The following NALCN variants were observed in gnomAD, a reference collection of about 807,000 sequenced individuals.
The protein encoded by NALCN is sodium leak channel NALCN.
Under a neutral mutation model 225.3 loss-of-function variants are expected in NALCN, and 111 were observed. The ratio of observed to expected loss-of-function variants is 0.49; its 90% CI spans 0.42 to 0.58. NALCN has a LOEUF of 0.58. NALCN is among the 20% of genes least tolerant of loss of function. The probability of loss-of-function intolerance (pLI) is 0.00; values close to 1 mark genes in which losing one functional copy is unlikely to be tolerated. For missense variants in NALCN, 1,378 were observed against 2,202.4 expected (o/e 0.63, Z 7.49); for synonymous variants, 764 against 769.0 (o/e 0.99, Z 0.11).
chr13:101,190,007 A>G (rs1273386864), intron 14 of NALCN, among the ~76,000 whole-genome samples: 2 of 152,156 alleles, frequency 1.3e-5, no homozygotes, highest in Non-Finnish European at 2.9e-5. Context: ...AAGGCTATAT[A>G]CCAGTTTTAA....
intron 27 of NALCN, among the ~76,000 whole-genome samples, chr13:101,100,341 G>T (rs2034739942): frequency 6.6e-6 from 1 of 152,166 alleles, no homozygotes; most frequent in African/African-American, 2.4e-5. Flanking sequence ...TGGAATCTTG[G>T]GTGACCACAC....
At chr13:101,217,744 A>G (rs2040793010) in intron 13 of NALCN, among the ~76,000 whole-genome samples, 1 of 152,194 alleles carries the variant, frequency 6.6e-6, no homozygotes, top group South Asian at 2.1e-4. Flanking sequence ...GACCAGTACC[A>G]TAAAAACAGG....
chr13:101,184,336 C>T (rs2039363104), intron 14 of NALCN, among the ~76,000 whole-genome samples: 1 of 152,082 alleles, frequency 6.6e-6, no homozygotes, highest in African/African-American at 2.4e-5. Context: ...CGTAATTTTC[C>T]AGGTTCAAAC....
At position 101,074,498 on chromosome 13, in the gene NALCN, A is replaced by T. The variant is rs1266760622; in HGVS notation, c.4103+16T>A. On this transcript the variant is annotated intron_variant, in intron 36 of 43. Transcript: ENST00000251127. ...GTTTGCTTGATAAATGAATAGAAAG[A>T]TAAGTATATACCAACCTGTTAATAT... The T allele has an allele frequency of 1.3e-6, 2 of 1,563,394 alleles. No homozygotes were observed. The highest frequency in any genetic ancestry group is 1.7e-6 in the Non-Finnish European group (2 of 1,163,026).
chr13:101,276,077 A>G (rs1328384564), intron 10 of NALCN, among the ~76,000 whole-genome samples: 16 of 65,044 alleles, frequency 2.5e-4, no homozygotes, highest in South Asian at 3.9e-4. Flanking sequence ...AAAAAAAAAA[A>G]AAAAAAAAAA....
chr13:101,345,495 C>T, intron 6 of NALCN, 75 bp from the exon 7 acceptor site: 1 of 1,516,642 alleles, frequency 6.6e-7, no homozygotes, highest in Non-Finnish European at 8.9e-7. Flanking sequence ...ATGTAATTAC[C>T]CTTCATTAAT....
At chr13:101,220,870 T>A (rs2040910537) in intron 13 of NALCN, among the ~76,000 whole-genome samples, 1 of 152,182 alleles carries the variant, frequency 6.6e-6, no homozygotes, top group Non-Finnish European at 1.5e-5. Flanking sequence ...AAGAAATACT[T>A]TCTAAGCCCA....
At chr13:101,091,334 T>C (rs1480673796) in intron 28 of NALCN, among the ~76,000 whole-genome samples, 1 of 152,184 alleles carries the variant, frequency 6.6e-6, no homozygotes. Context: ...GGCAACGCTC[T>C]AGGGAAAATC....
intron 7 of NALCN, among the ~76,000 whole-genome samples, chr13:101,295,065 C>A (rs2043692633): frequency 6.6e-6 from 1 of 152,224 alleles, no homozygotes; most frequent in South Asian, 2.1e-4. Context: ...TCCATATGAA[C>A]AGGCGCCCCC....
At chr13:101,361,402 T>A (rs1270433215) in intron 6 of NALCN, among the ~76,000 whole-genome samples, 1 of 152,170 alleles carries the variant, frequency 6.6e-6, no homozygotes, top group Non-Finnish European at 1.5e-5. Context: ...AAATAAGCAA[T>A]CGTAATTAAC....
At chr13:101,172,717 GC>G (rs1290276346) in intron 15 of NALCN, among the ~76,000 whole-genome samples, 2 of 150,526 alleles carry the variant, frequency 1.3e-5, no homozygotes, top group South Asian at 2.2e-4. Context: ...CCGCCACCAC[GC>G]GCAGCTAATT....
At position 101,377,005 on chromosome 13, in the gene NALCN, G is replaced by A. The variant is rs755642903; in HGVS notation, c.427C>T (p.Arg143Trp). Reference protein sequence around the residue: ...VDQMSPWGMLRIPRPLIMIRA... With the variant: ...VDQMSPWGMLWIPRPLIMIRA... Reference sequence around the variant, plus strand: ...ATCATAATCAGTGGCCGTGGAATCCGCAACATGCCCCAAGGTGACATCTGA... The same window carrying A: ...ATCATAATCAGTGGCCGTGGAATCCACAACATGCCCCAAGGTGACATCTGA... Residue 143 changes from arginine (R) to tryptophan (W), a missense_variant, in exon 5 of 44, where the codon CGG (arginine) becomes TGG (tryptophan). By Grantham distance (101) the Arg-to-Trp change is moderately radical (BLOSUM62 -3). This residue lies in a region of NALCN where 146 missense variants were observed against 205.9 expected (regional missense o/e 0.71). Coordinates refer to ENST00000251127, the MANE Select transcript of NALCN (RefSeq NM_052867.4). The A allele has an allele frequency of 1.9e-6, 3 of 1,613,980 alleles. No homozygotes were observed. Among genetic ancestry groups the A allele is most frequent in the African/African-American group, 1.3e-5 (1 of 74,902 alleles).
chr13:101,335,364 C>A (rs1239003029), intron 7 of NALCN, among the ~76,000 whole-genome samples: 1 of 151,602 alleles, frequency 6.6e-6, no homozygotes, highest in East Asian at 1.9e-4. Context: ...TAAAGACAGT[C>A]CCTTTAAAAA....
chr13:101,082,080 G>C (rs948104221), intron 33 of NALCN, among the ~76,000 whole-genome samples: 1 of 152,056 alleles, frequency 6.6e-6, no homozygotes. Context: ...GTTTCACCAC[G>C]TTGGCCAGGC....
intron 9 of NALCN, among the ~76,000 whole-genome samples, chr13:101,286,864 T>TAC (rs71121180): frequency 0.025 from 3,659 of 146,996 alleles, 135 homozygotes; most frequent in East Asian, 0.21. Context: ...CCAGGTATTA[T>TAC]ACACACACAC....
chr13:101,327,632 G>A (rs1208537619), intron 7 of NALCN, among the ~76,000 whole-genome samples: 1 of 152,170 alleles, frequency 6.6e-6, no homozygotes, highest in African/African-American at 2.4e-5. Context: ...ACCCATCCCA[G>A]GTAATCCTTC....
chr13:101,289,863 A>C (rs1218906414), intron 9 of NALCN, among the ~76,000 whole-genome samples: 2 of 152,148 alleles, frequency 1.3e-5, no homozygotes, highest in East Asian at 3.9e-4. Context: ...ATGGCAAATT[A>C]TGTCTCTCCC....
chr13:101,415,710 T>C (rs1210396511), intron 1 of NALCN, among the ~76,000 whole-genome samples: 1 of 152,056 alleles, frequency 6.6e-6, no homozygotes, highest in African/African-American at 2.4e-5. Flanking sequence ...CCAATGAATA[T>C]CATAAGGGAC....
chr13:101,279,173 G>A (rs369486884), intron 10 of NALCN, among the ~76,000 whole-genome samples: 1 of 152,174 alleles, frequency 6.6e-6, no homozygotes, highest in Admixed American at 6.5e-5. Flanking sequence ...AAAGAAAAGT[G>A]TAGGATGATA....
Sources: gnomAD v4.1 joint callset for allele counts (sites outside exome capture counted in the v4.1 genomes callset) on GRCh38, gnomAD v4.1.1 for gene constraint, gnomAD v4.1.1 regional missense constraint, MANE v1.5 for transcripts, NCBI Gene and HGNC (gene_info 2026-07-23, HGNC 2026-07-21) for gene names.